Variants in C9orf72 observed in about 807,000 individuals in gnomAD.
C9orf72 encodes C9orf72-SMCR8 complex subunit.
In C9orf72, 44 loss-of-function variants were observed where a neutral mutation model predicts 51.6. The ratio of observed to expected loss-of-function variants is 0.85; its 90% confidence interval spans 0.67 to 1.10. The LOEUF (loss-of-function observed/expected upper bound fraction) is 1.10, where lower values mean the gene tolerates loss of function less well. C9orf72 is among the 50% of genes least tolerant of loss of function. The pLI, the probability that C9orf72 is intolerant of heterozygous loss-of-function variation, is 0.00. For missense variants in C9orf72, 607 were observed against 570.6 expected (o/e 1.06, Z -0.65); for synonymous variants, 213 against 194.2 (o/e 1.10, Z -0.81).
intron 2 of C9orf72, among the ~76,000 whole-genome samples, chr9:27,566,254 T>C (rs144410308): frequency 1.6e-3 from 237 of 152,302 alleles, no homozygotes; most frequent in African/African-American, 5.4e-3. Flanking sequence ...ACCTGGGAAC[T>C]TGGCAAAGAG....
At chr9:27,570,667 A>G (rs1587323601) in intron 1 of C9orf72, among the ~76,000 whole-genome samples, 1 of 152,140 alleles carries the variant, frequency 6.6e-6, no homozygotes, top group Admixed American at 6.5e-5. Flanking sequence ...GGAGCTCAAG[A>G]CCAGCCTGGC....
chr9:27,570,701 A>C (rs1819567520), intron 1 of C9orf72, among the ~76,000 whole-genome samples: 1 of 152,090 alleles, frequency 6.6e-6, no homozygotes, highest in South Asian at 2.1e-4. Context: ...CCCCACCTCT[A>C]CTAAAAATAC....
In C9orf72 at chr9:27,547,868, T is replaced by A. The variant is rs557041088; in HGVS notation, c.*368A>T. The A allele has an allele frequency of 6.4e-6, 1 of 156,786 alleles. No homozygotes were observed. Among genetic ancestry groups the A allele is most frequent in the East Asian group, 1.8e-4 (1 of 5,442 alleles). 9.7% of individuals were successfully genotyped at this position (156,786 alleles called of 1,614,324 possible). On this transcript the variant is annotated 3_prime_UTR_variant, in exon 11 of 11. Coordinates refer to ENST00000380003, the MANE Select transcript of C9orf72 (RefSeq NM_018325.5). ...ATGCCAAAAGATAGAAAGTCAACTA[T>A]CTGTAAAAGCCAACTCAGATTTCAC...
At chr9:27,564,809 G>A (rs901513984) in intron 3 of C9orf72, among the ~76,000 whole-genome samples, 1 of 152,046 alleles carries the variant, frequency 6.6e-6, no homozygotes, top group African/African-American at 2.4e-5. Flanking sequence ...ACCCACAAGA[G>A]GAAATGGAAG....
rs1405172551 is a variant in C9orf72, at chr9:27,561,556, C to T, written c.665+29G>A. On this transcript the variant is annotated intron_variant, in intron 5 of 10. Transcript: ENST00000380003. Reference sequence around the variant, plus strand: ...GAGCATAAGATGGTATCTGCTTCATCCAGCTTTTATGAAAAGAAAAATTCT... The same window carrying T: ...GAGCATAAGATGGTATCTGCTTCATTCAGCTTTTATGAAAAGAAAAATTCT... 1.6e-5 allele frequency: 25 copies of T among 1,609,406 alleles called. No individual in the cohort carries two copies. In the East Asian group the frequency reaches 5.1e-4, roughly 33 times the overall value.
At chr9:27,573,167 G>A (rs1479867008) in intron 1 of C9orf72, among the ~76,000 whole-genome samples, 1 of 152,166 alleles carries the variant, frequency 6.6e-6, no homozygotes, top group Non-Finnish European at 1.5e-5. Flanking sequence ...TACTGAGGGC[G>A]GGAAAGCAAG....
chr9:27,569,618 A>G (rs959330470), intron 1 of C9orf72, among the ~76,000 whole-genome samples: 2 of 152,244 alleles, frequency 1.3e-5, no homozygotes, highest in Non-Finnish European at 2.9e-5. Context: ...TTGTGTAAGT[A>G]CACTCTATGA....
chr9:27,561,493 A>AG (rs1003663251), intron 5 of C9orf72, 92 bp downstream of exon 5: 348 of 1,556,374 alleles, frequency 2.2e-4, no homozygotes, highest in Non-Finnish European at 2.8e-4. Context: ...CTAAGTAGAC[A>AG]GTCTGTTATT....
At chr9:27,560,729 C>T in intron 5 of C9orf72, 2 of 986,036 alleles carry the variant, frequency 2.0e-6, no homozygotes, top group Non-Finnish European at 2.4e-6. Context: ...CACACTCATG[C>T]CTCTGATACT....
intron 8 of C9orf72, among the ~76,000 whole-genome samples, chr9:27,551,594 G>A (rs1820910235): frequency 6.6e-6 from 1 of 152,214 alleles, no homozygotes; most frequent in Non-Finnish European, 1.5e-5. Flanking sequence ...GGTAGTTCAA[G>A]TTTCCTTATC....
intron 8 of C9orf72, among the ~76,000 whole-genome samples, chr9:27,555,135 A>C (rs948206528): frequency 4.6e-5 from 7 of 152,212 alleles, no homozygotes; most frequent in Non-Finnish European, 7.3e-5. Context: ...TTCAAGGCAC[A>C]GATTAATTAG....
chr9:27,548,160 G>T lies in C9orf72; in HGVS notation c.*76C>A. 1.8e-6 allele frequency: 2 copies of T among 1,110,572 alleles called. No individual in the cohort carries two copies. Among genetic ancestry groups the T allele is most frequent in the Non-Finnish European group, 2.6e-6 (2 of 775,746 alleles). The allele number at this position is 1,110,572 out of a possible 1,614,324, so 68.8% of individuals were successfully genotyped here. On this transcript the variant is annotated 3_prime_UTR_variant, in exon 11 of 11. Transcript: ENST00000380003. ...CAGAATTCTGGAGTATGATCCAGGG[G>T]AACGTTTCCCCACACCACTGAGCTA...
At chr9:27,555,818 C>T (rs1193584748) in intron 8 of C9orf72, among the ~76,000 whole-genome samples, 3 of 152,088 alleles carry the variant, frequency 2.0e-5, no homozygotes, top group East Asian at 3.9e-4. Context: ...CTGCCTTGCA[C>T]TCCCAAAGCT....
rs896141423 is a variant in C9orf72 at position 27,548,171 on chromosome 9, C to T, written c.*65G>A. ...AGTATGATCCAGGGGAACGTTTCCC[C>T]ACACCACTGAGCTACTTTACCAGCG... On this transcript the variant is annotated 3_prime_UTR_variant, in exon 11 of 11. Coordinates refer to ENST00000380003, the MANE Select transcript of C9orf72 (RefSeq NM_018325.5). The T allele has an allele frequency of 3.2e-5, 41 of 1,283,538 alleles. No homozygotes were observed. Among genetic ancestry groups the T allele is most frequent in the Non-Finnish European group, 4.1e-5 (38 of 924,474 alleles). 79.5% of individuals were successfully genotyped at this position (1,283,538 alleles called of 1,614,324 possible). A position where few individuals can be genotyped will look rare whatever the true frequency, so the allele number is the denominator to read the frequency against.
At position 27,567,148 on chromosome 9, in the gene C9orf72, A is replaced by C; in HGVS notation, c.-28T>G. 6.3e-7 allele frequency: 1 copy of C among 1,579,172 alleles called. No homozygotes were observed. Among genetic ancestry groups the C allele is most frequent in the Non-Finnish European group, 8.7e-7 (1 of 1,152,830 alleles). On this transcript the variant is annotated 5_prime_UTR_variant, in exon 2 of 11. Coordinates refer to ENST00000380003, the MANE Select transcript of C9orf72 (RefSeq NM_018325.5). ...CTGCATTCCAACTGTCACATTATCC[A>C]AATGCTCCGGAGATATCTAAACAAT...
At chr9:27,553,465 G>C (rs1447623120) in intron 8 of C9orf72, among the ~76,000 whole-genome samples, 2 of 152,162 alleles carry the variant, frequency 1.3e-5, no homozygotes, top group African/African-American at 4.8e-5. Flanking sequence ...ATGGGGAAAG[G>C]ACTCCGTATT....
At chr9:27,571,697 T>C (rs192431018) in intron 1 of C9orf72, among the ~76,000 whole-genome samples, 2 of 152,254 alleles carry the variant, frequency 1.3e-5, no homozygotes, top group African/African-American at 2.4e-5. Context: ...AGTGATCCTC[T>C]TGCCTCCGCC....
At chr9:27,553,852 A>G (rs1820956862) in intron 8 of C9orf72, among the ~76,000 whole-genome samples, 1 of 152,176 alleles carries the variant, frequency 6.6e-6, no homozygotes, top group African/African-American at 2.4e-5. Flanking sequence ...ATTAACAAGC[A>G]AAAAACAACC....
rs1210157988 is a variant in C9orf72, at chr9:27,556,705, T to G, written c.947A>C (p.Lys316Thr). The part of the protein sequence containing the change: ...THIDVDVNTV[K>T]QMPPCHEHIY... Reference sequence around the variant, plus strand: ...ATGTTCATGACAGGGTGGCATCTGCTTCACAGTATTGACATCCACATCTAT... The same window carrying G: ...ATGTTCATGACAGGGTGGCATCTGCGTCACAGTATTGACATCCACATCTAT... The change falls in exon 8 of 11, where the codon AAG (lysine) becomes ACG (threonine). Residue 316 changes from lysine to threonine, a missense_variant. By Grantham distance (78) the Lys-to-Thr change is moderately conservative. Transcript: ENST00000380003. 4.3e-6 allele frequency: 7 copies of G among 1,613,864 alleles called. No individual in the cohort carries two copies. The highest frequency in any genetic ancestry group is 5.9e-6 in the Non-Finnish European group (7 of 1,179,886).
Sources: gnomAD v4.1 joint callset for allele counts (sites outside exome capture counted in the v4.1 genomes callset) on GRCh38, gnomAD v4.1.1 for gene constraint, MANE v1.5 for transcripts, NCBI Gene and HGNC (gene_info 2026-07-23, HGNC 2026-07-21) for gene names.